Variants in MCM4 observed in about 807,000 individuals in gnomAD.
MCM4 encodes DNA replication licensing factor MCM4.
A neutral mutation model predicts 88.7 loss-of-function variants in MCM4; 60 were observed. The ratio of observed to expected loss-of-function variants is 0.68; its 90% confidence interval spans 0.55 to 0.84. The LOEUF (loss-of-function observed/expected upper bound fraction) is 0.84, where lower values mean the gene tolerates loss of function less well. MCM4 is among the 40% of genes least tolerant of loss of function. MCM4 has a pLI of 0.00. For synonymous variants in MCM4, 465 were observed against 410.5 expected (o/e 1.13, Z -1.61); for missense variants, 1,149 against 1,105.5 (o/e 1.04, Z -0.56).
In MCM4 at chr8:47,967,089, T is replaced by TG. The variant is rs551684077; in HGVS notation, c.1054-274dup. On this transcript the variant is annotated intron_variant, in intron 9 of 16. Transcript: ENST00000649973. ...ATCCTTAGGCCTCTCAGAGGGTACC[T>TG]GGTTTGGAAAGGCCTTCCTCGACCC... Among the ~76,000 whole-genome samples, 39 of 152,356 alleles carry TG rather than the reference T, an allele frequency of 2.6e-4. No individual in the cohort carries two copies. The East Asian group carries it at 5.6e-3, about 22-fold the overall frequency.
intron 13 of MCM4, among the ~76,000 whole-genome samples, chr8:47,972,590 T>C (rs2090963902): frequency 1.3e-5 from 2 of 152,160 alleles, no homozygotes; most frequent in Admixed American, 1.3e-4. Flanking sequence ...AGAGTCTCCC[T>C]CTGTCGGCCA....
At chr8:47,968,154 G>A (rs886294990) in intron 10 of MCM4, among the ~76,000 whole-genome samples, 3 of 152,176 alleles carry the variant, frequency 2.0e-5, no homozygotes, top group Admixed American at 6.5e-5. Context: ...TTTGGTTGGG[G>A]GCAAGGGAGT....
rs562067900 is a variant in MCM4, at chr8:47,962,949, A to G, written c.602A>G (p.Asn201Ser). The change falls in exon 7 of 17, where the codon AAT (asparagine) becomes AGT (serine). Residue 201 changes from asparagine to serine, a missense_variant. Around this residue, in one of 3 missense-constraint regions of MCM4, gnomAD observed 906 missense variants for 843.0 expected, o/e 1.07. Transcript: ENST00000649973. The part of the protein sequence containing the change: ...PLYMQRLGEI[N>S]VIGEPFLNVN... ...TTGTTCATTTTTATTTTCTAGATTA[A>G]TGTTATTGGTGAGCCATTTTTAAAT... 6.3e-7 allele frequency: 1 copy of G among 1,593,594 alleles called. No individual in the cohort carries two copies. The highest frequency in any genetic ancestry group is 8.5e-7 in the Non-Finnish European group (1 of 1,171,588).
At chr8:47,969,598 A>T in intron 10 of MCM4, 200 bp from the exon 11 acceptor site, 1 of 587,424 alleles carries the variant, frequency 1.7e-6, no homozygotes, top group Non-Finnish European at 3.0e-6. Flanking sequence ...CTGCTTGCTC[A>T]TAGCAAGCGG....
intron 9 of MCM4, 33 bp from the exon 10 acceptor site, chr8:47,967,332 T>G: frequency 6.2e-7 from 1 of 1,613,348 alleles, no homozygotes; most frequent in Non-Finnish European, 8.5e-7. Flanking sequence ...CCTCTCTTTG[T>G]GGCCCACATG....
chr8:47,974,589 T>G, intron 14 of MCM4, 145 bp from the exon 15 acceptor site: 1 of 687,232 alleles, frequency 1.5e-6, no homozygotes, highest in South Asian at 1.7e-5. Flanking sequence ...CTGTGTAGTC[T>G]CTACCACTTG....
At position 47,961,225 on chromosome 8, in the gene MCM4, C is replaced by A; in HGVS notation, c.70+11C>A. The A allele has an allele frequency of 6.7e-7, 1 of 1,496,936 alleles. No individual in the cohort carries two copies. The highest frequency in any genetic ancestry group is 2.8e-5 in the East Asian group (1 of 35,652). 92.7% of individuals were successfully genotyped at this position (1,496,936 alleles called of 1,614,324 possible). On this transcript the variant is annotated intron_variant, in intron 2 of 16. Transcript: ENST00000649973. ...CCCCCGCCCAGACGCGTGAGTCCCC[C>A]GAGCCGGGCCCACTACAGCCCCCGG...
Position 47,971,425 on chromosome 8 carries a change from A to C in MCM4, c.1885A>C (p.Thr629Pro). Residue 629 changes from threonine to proline, a missense_variant, in exon 13 of 17, where the codon ACA (threonine) becomes CCA (proline). Thr to Pro is a conservative substitution (Grantham distance 38). This residue lies in a region of MCM4 where 906 missense variants were observed against 843.0 expected (regional missense o/e 1.07). Transcript: ENST00000649973. ...TGAGTCTCAGTGGAATCCTAAAAAA[A>C]CAACCATTGAAAACATCCAGCTGCC... ...PIESQWNPKK[T>P]TIENIQLPHT... The C allele has an allele frequency of 6.2e-7, 1 of 1,614,176 alleles. No homozygotes were observed.
chr8:47,966,084 C>G (rs2090895574), intron 8 of MCM4, 103 bp from the exon 9 acceptor site: 2 of 908,432 alleles, frequency 2.2e-6, no homozygotes, highest in Non-Finnish European at 3.5e-6. Flanking sequence ...GAAAGGTCGC[C>G]CTAGGCAGAG....
chr8:47,967,269 G>A, intron 9 of MCM4, 96 bp from the exon 10 acceptor site: 2 of 1,376,412 alleles, frequency 1.5e-6, no homozygotes, highest in South Asian at 1.3e-5. Context: ...GATATGCACT[G>A]CAGCCTTATA....
rs749370007 is a variant in MCM4, at chr8:47,967,415, C to T, written c.1104C>T (p.His368=). 6.2e-7 allele frequency: 1 copy of T among 1,614,208 alleles called. No individual in the cohort carries two copies. Among genetic ancestry groups the T allele is most frequent in the Non-Finnish European group, 8.5e-7 (1 of 1,180,018 alleles). The change falls in exon 10 of 17, where the codon CAC becomes CAT. Residue 368 remains histidine (H), a synonymous_variant. Transcript: ENST00000649973. The part of the protein sequence containing the change: ...PEDMPAGQTP[H]TVILFAHNDL... ...ACATGCCTGCAGGGCAGACACCACA[C>T]ACAGTTATCCTGTTTGCTCACAATG...
chr8:47,965,180 A>G (rs956152634), intron 8 of MCM4, among the ~76,000 whole-genome samples: 4 of 151,552 alleles, frequency 2.6e-5, no homozygotes, highest in African/African-American at 4.9e-5. Flanking sequence ...GTGCCATTGC[A>G]CTCCAGCCTG....
In MCM4 at chr8:47,961,121, T is replaced by C; in HGVS notation, c.-14-10T>C. On this transcript the variant is annotated splice_polypyrimidine_tract_variant and intron_variant, in intron 1 of 16. Transcript: ENST00000649973. ...GGCGGGCCCGGCCCGAGCTTGTCCTTGTCGCGCAGGTACTCCGAGCACTAT... is the reference window on the plus strand; with the variant it reads ...GGCGGGCCCGGCCCGAGCTTGTCCTCGTCGCGCAGGTACTCCGAGCACTAT... 6.5e-7 allele frequency: 1 copy of C among 1,547,316 alleles called. No individual in the cohort carries two copies. Among genetic ancestry groups the C allele is most frequent in the East Asian group, 2.6e-5 (1 of 38,644 alleles).
chr8:47,967,393 T>A lies in MCM4; in HGVS notation c.1082T>A (p.Met361Lys). The change falls in exon 10 of 17, where the codon ATG becomes AAG. Residue 361 changes from methionine to lysine, a missense_variant. Around this residue, in one of 3 missense-constraint regions of MCM4, gnomAD observed 906 missense variants for 843.0 expected, o/e 1.07. Transcript: ENST00000649973. The part of the protein sequence containing the change: ...MIKLQESPED[M>K]PAGQTPHTVI... ...AAGCTTCAGGAGTCTCCGGAAGACA[T>A]GCCTGCAGGGCAGACACCACACACA... The A allele has an allele frequency of 6.2e-7, 1 of 1,614,208 alleles. No individual in the cohort carries two copies. The highest frequency in any genetic ancestry group is 1.1e-5 in the South Asian group (1 of 91,082).
At chr8:47,974,058 A>T (rs2090979240) in intron 14 of MCM4, 1 of 152,138 alleles carries the variant, frequency 6.6e-6, no homozygotes, top group Non-Finnish European at 1.5e-5. Flanking sequence ...TTTTAGGTTC[A>T]CTTTTCAGCA....
Position 47,976,719 on chromosome 8 carries a change from C to T in MCM4, c.2533C>T (p.Arg845Cys), listed in dbSNP as rs762871719. 11 of 1,613,252 alleles carry T rather than the reference C, an allele frequency of 6.8e-6. No homozygotes were observed. The highest frequency in any genetic ancestry group is 2.2e-5 in the South Asian group (2 of 91,052). The change falls in exon 17 of 17, where the codon CGT (arginine) becomes TGT (cysteine). Residue 845 changes from arginine (R) to cysteine (C), a missense_variant. Transcript: ENST00000649973. ...TAAAGATATGTTTGAAGAAGCACTG[C>T]GTGCCCTGGCAGATGATGATTTCCT... is the stretch of plus-strand genomic sequence containing the variant. The part of the protein sequence containing the change: ...ITKDMFEEAL[R>C]ALADDDFLTV...
At position 47,962,301 on chromosome 8, in the gene MCM4, G is replaced by A. The variant is rs755621363; in HGVS notation, c.400-4G>A. 2.5e-6 allele frequency: 4 copies of A among 1,614,058 alleles called. No homozygotes were observed. The highest frequency in any genetic ancestry group is 2.5e-6 in the Non-Finnish European group (3 of 1,180,036). On this transcript the variant is annotated splice_polypyrimidine_tract_variant and splice_region_variant and intron_variant, in intron 4 of 16. Coordinates refer to ENST00000649973, the MANE Select transcript of MCM4 (RefSeq NM_182746.3). The stretch of plus-strand genomic sequence containing the variant: ...TCATGATTCTGTCATGTTTTTCTGT[G>A]TAGGCAGCAGCAGAAGATATAGTGG...
In MCM4 at chr8:47,971,344, G is replaced by A. The variant is rs2090952052; in HGVS notation, c.1804G>A (p.Gly602Arg). ...EQQTLSIAKA[G>R]IICQLNARTS... is the part of the protein sequence containing the mutation. ...ACTGCACTCTTTGCTCTGATAGGCT[G>A]GGATCATCTGTCAGCTCAATGCGCG... Residue 602 changes from glycine (G) to arginine (R), a missense_variant, in exon 13 of 17, where the codon GGG becomes AGG. Around this residue, in one of 3 missense-constraint regions of MCM4, gnomAD observed 906 missense variants for 843.0 expected, o/e 1.07. Transcript: ENST00000649973. 6.2e-7 allele frequency: 1 copy of A among 1,614,110 alleles called. No individual in the cohort carries two copies. The highest frequency in any genetic ancestry group is 8.5e-7 in the Non-Finnish European group (1 of 1,180,028).
Position 47,961,165 on chromosome 8 carries a change from C to T in MCM4, c.21C>T (p.Thr7=). Residue 7 remains threonine (T), a synonymous_variant, in exon 2 of 17, where the codon ACC becomes ACT. Transcript: ENST00000649973. The part of the protein sequence containing the change: MSSPAS[T]PSRRGSRRGR... ...GCACTATGTCGTCCCCGGCGTCGAC[C>T]CCGAGCCGCCGCGGCAGCCGGCGTG... 6.4e-7 allele frequency: 1 copy of T among 1,552,146 alleles called. No individual in the cohort carries two copies. Among genetic ancestry groups the T allele is most frequent in the Non-Finnish European group, 8.6e-7 (1 of 1,159,364 alleles).
Sources: allele counts gnomAD v4.1 joint callset (sites outside exome capture counted in the v4.1 genomes callset), GRCh38; gene constraint gnomAD v4.1.1; regional missense constraint gnomAD v4.1.1; transcripts MANE v1.5; gene names NCBI Gene and HGNC (gene_info 2026-07-23, HGNC 2026-07-21).